Variants in POLR1F observed in about 807,000 individuals in gnomAD.
The protein encoded by POLR1F is RNA polymerase I subunit F, also known as DNA-directed RNA polymerase I subunit RPA43.
POLR1F carries 23 observed loss-of-function variants against 21.8 expected under a neutral mutation model. That is an observed-to-expected ratio of 1.05 (90% confidence interval 0.76 to 1.49). The LOEUF is 1.49. Among genes scored for constraint, POLR1F ranks in the 40% most tolerant of loss-of-function variants. The probability of loss-of-function intolerance (pLI) is 0.00; values close to 1 mark genes in which losing one functional copy is unlikely to be tolerated. For missense variants in POLR1F, 435 were observed against 412.1 expected (o/e 1.06, Z -0.48); for synonymous variants, 162 against 152.8 (o/e 1.06, Z -0.45).
chr7:19,708,690 T>C, intron 1 of POLR1F, 73 bp downstream of exon 1: 2 of 1,552,264 alleles, frequency 1.3e-6, no homozygotes, highest in Non-Finnish European at 1.7e-6. Flanking sequence ...TGCCCCTTTC[T>C]GCTGCGTCGT....
At chr7:19,707,784 AT>A (rs1783550831) in intron 1 of POLR1F, among the ~76,000 whole-genome samples, 1 of 152,076 alleles carries the variant, frequency 6.6e-6, no homozygotes, top group African/African-American at 2.4e-5. Context: ...TTGTTTTTGT[AT>A]CTCAAGTGTT....
At chr7:19,702,227 G>A (rs1783455164) in intron 2 of POLR1F, among the ~76,000 whole-genome samples, 3 of 152,086 alleles carry the variant, frequency 2.0e-5, no homozygotes, top group Admixed American at 2.0e-4. Context: ...TAGGGGAAAG[G>A]GGGTGGTTAT....
chr7:19,700,103 A>G lies in POLR1F; in HGVS notation c.574T>C (p.Phe192Leu). 6.2e-7 allele frequency: 1 copy of G among 1,613,892 alleles called. No individual in the cohort carries two copies. The highest frequency in any genetic ancestry group is 8.5e-7 in the Non-Finnish European group (1 of 1,179,784). The change falls in exon 3 of 4, where the codon TTC (phenylalanine) becomes CTC (leucine). Residue 192 changes from phenylalanine (F) to leucine (L), a missense_variant. By Grantham distance (22) the Phe-to-Leu change is conservative. Transcript: ENST00000222567. ...ATATTTAGTTTTCCCCGAATGCAGA[A>G]TACTCCAGCAGCATCTGAGTCTAAA... ...FRLDSDAAGV[F>L]CIRGKLNITS...
At chr7:19,700,903 A>G (rs565960571) in intron 2 of POLR1F, among the ~76,000 whole-genome samples, 1 of 152,360 alleles carries the variant, frequency 6.6e-6, no homozygotes, top group East Asian at 1.9e-4. Context: ...AACTAAAACA[A>G]AAGTATGTGC....
Position 19,700,104 on chromosome 7 carries a change from T to C in POLR1F, c.573A>G (p.Val191=), listed in dbSNP as rs370798632. The change falls in exon 3 of 4, where the codon GTA becomes GTG. Residue 191 remains valine, a synonymous_variant. Transcript: ENST00000222567. ...TATTTAGTTTTCCCCGAATGCAGAA[T>C]ACTCCAGCAGCATCTGAGTCTAAAC... is the stretch of plus-strand genomic sequence containing the variant. ...VFRLDSDAAG[V]FCIRGKLNIT... The C allele has an allele frequency of 3.7e-6, 6 of 1,613,772 alleles. No individual in the cohort carries two copies. The African/African-American group carries it at 8.0e-5, about 22-fold the overall frequency.
chr7:19,704,976 T>G, intron 1 of POLR1F, 56 bp from the exon 2 acceptor site: 1 of 1,521,404 alleles, frequency 6.6e-7, no homozygotes, highest in Non-Finnish European at 8.8e-7. Flanking sequence ...TTTATTTATG[T>G]TTTTGGAGAC....
chr7:19,705,719 G>A (rs1395677996), intron 1 of POLR1F, among the ~76,000 whole-genome samples: 1 of 152,122 alleles, frequency 6.6e-6, no homozygotes, highest in Non-Finnish European at 1.5e-5. Flanking sequence ...TTTTCAAACT[G>A]TTATTTCTTA....
chr7:19,708,306 G>T (rs193198790), intron 1 of POLR1F, among the ~76,000 whole-genome samples: 2 of 152,304 alleles, frequency 1.3e-5, no homozygotes, highest in Non-Finnish European at 2.9e-5. Flanking sequence ...TTTACAAATA[G>T]AACGGTTGTA....
intron 2 of POLR1F, among the ~76,000 whole-genome samples, chr7:19,702,998 G>T (rs1221294896): frequency 6.6e-6 from 1 of 152,120 alleles, no homozygotes; most frequent in Non-Finnish European, 1.5e-5. Context: ...AAATGAAAAT[G>T]TATGTTTTCA....
At chr7:19,705,669 T>C (rs1389271951) in intron 1 of POLR1F, among the ~76,000 whole-genome samples, 1 of 152,246 alleles carries the variant, frequency 6.6e-6, no homozygotes. Flanking sequence ...ACTGACACTT[T>C]AGTCTACAAA....
intron 1 of POLR1F, among the ~76,000 whole-genome samples, chr7:19,706,446 G>A (rs781781925): frequency 6.6e-6 from 1 of 152,162 alleles, no homozygotes; most frequent in Non-Finnish European, 1.5e-5. Flanking sequence ...GAGGGCTGTG[G>A]TCCCCTGGTG....
In POLR1F at chr7:19,698,587, T is replaced by C. The variant is rs531318699; in HGVS notation, c.746A>G (p.Asp249Gly). ...EVDSGTTKLA[D>G]DADDTPMEES... ...TTCCATTGGAGTGTCATCTGCATCA[T>C]CTGCTAGCTTTGTGGTACCACTGTC... Residue 249 changes from aspartate to glycine, a missense_variant, in exon 4 of 4, where the codon GAT (aspartate) becomes GGT (glycine). Physicochemically the swap from Asp to Gly is moderately conservative, Grantham distance 94. Coordinates refer to ENST00000222567, the MANE Select transcript of POLR1F (RefSeq NM_001002926.2). 3.7e-6 allele frequency: 6 copies of C among 1,613,482 alleles called. No individual in the cohort carries two copies. The African/African-American group carries it at 6.7e-5, about 18-fold the overall frequency.
rs1056489530 is a variant in POLR1F, at chr7:19,700,094, G to A, written c.583C>T (p.Arg195Trp). The change falls in exon 3 of 4, where the codon CGG (arginine) becomes TGG (tryptophan). Residue 195 changes from arginine to tryptophan, a missense_variant. Coordinates refer to ENST00000222567, the MANE Select transcript of POLR1F (RefSeq NM_001002926.2). Reference protein sequence around the residue: ...DSDAAGVFCIRGKLNITSLQF... With the variant: ...DSDAAGVFCIWGKLNITSLQF... ...AACCTTGTGATATTTAGTTTTCCCC[G>A]AATGCAGAATACTCCAGCAGCATCT... 1.1e-5 allele frequency: 18 copies of A among 1,613,458 alleles called. No homozygotes were observed. The highest frequency in any genetic ancestry group is 2.7e-5 in the African/African-American group (2 of 74,850).
Position 19,698,190 on chromosome 7 carries a change from T to G in POLR1F, c.*126A>C. 1.2e-6 allele frequency: 1 copy of G among 817,460 alleles called. No individual in the cohort carries two copies. Among genetic ancestry groups the G allele is most frequent in the Non-Finnish European group, 1.7e-6 (1 of 575,666 alleles). The allele number at this position is 817,460 out of a possible 1,614,324, so 50.6% of individuals were successfully genotyped here. ...ATTTTTAGCATATAAAGCCTCCTACTCCTAGTTAAGTATTTTCTGTTTTGT... is the reference window on the plus strand; with the variant it reads ...ATTTTTAGCATATAAAGCCTCCTACGCCTAGTTAAGTATTTTCTGTTTTGT... On this transcript the variant is annotated 3_prime_UTR_variant, in exon 4 of 4. Coordinates refer to ENST00000222567, the MANE Select transcript of POLR1F (RefSeq NM_001002926.2).
intron 1 of POLR1F, among the ~76,000 whole-genome samples, chr7:19,707,759 C>CA (rs1479868865): frequency 9.2e-5 from 14 of 152,092 alleles, no homozygotes; most frequent in Non-Finnish European, 1.9e-4. Context: ...CTCCTTGAAA[C>CA]AGAGATTTTA....
At chr7:19,704,059 A>AC (rs1429885675) in intron 2 of POLR1F, among the ~76,000 whole-genome samples, 1 of 152,222 alleles carries the variant, frequency 6.6e-6, no homozygotes, top group Non-Finnish European at 1.5e-5. Context: ...AAATGAAAAA[A>AC]ATTGGAAGTG....
intron 2 of POLR1F, 85 bp from the exon 3 acceptor site, chr7:19,700,365 T>C: frequency 9.9e-7 from 1 of 1,008,414 alleles, no homozygotes; most frequent in Non-Finnish European, 1.5e-6. Flanking sequence ...AAGCTTCAAA[T>C]AATCTTCAAA....
chr7:19,708,935 A>G lies in POLR1F; in HGVS notation c.82T>C (p.Cys28Arg), dbSNP rs779031636. 1.2e-6 allele frequency: 2 copies of G among 1,613,434 alleles called. No homozygotes were observed. The highest frequency in any genetic ancestry group is 1.1e-5 in the South Asian group (1 of 91,080). ...SLVGQAGVLP[C>R]LELPTYAAAC... ...GCGGCATAAGTCGGCAACTCTAGGC[A>G]AGGCAGGACGCCAGCCTGCCCTACC... The change falls in exon 1 of 4, where the codon TGC becomes CGC. Residue 28 changes from cysteine (C) to arginine (R), a missense_variant. Cys to Arg is a radical substitution (Grantham distance 180). Transcript: ENST00000222567.
chr7:19,705,860 A>G (rs1209666667), intron 1 of POLR1F, among the ~76,000 whole-genome samples: 1 of 152,200 alleles, frequency 6.6e-6, no homozygotes, highest in Non-Finnish European at 1.5e-5. Flanking sequence ...ACAAAGGAAC[A>G]AAAAACAACA....
Sources: gnomAD v4.1 joint callset for allele counts (sites outside exome capture counted in the v4.1 genomes callset) on GRCh38, gnomAD v4.1.1 for gene constraint, MANE v1.5 for transcripts, NCBI Gene and HGNC (gene_info 2026-07-23, HGNC 2026-07-21) for gene names.